Variants in HEMK2 observed in about 807,000 individuals in gnomAD.
HEMK2 encodes the protein methyltransferase HEMK2.
the HEMK2 span, among the ~76,000 whole-genome samples, chr21:28,653,421 C>A: frequency 2.0e-5 from 3 of 152,140 alleles, no homozygotes; most frequent in Non-Finnish European, 2.9e-5. Flanking sequence ...CTAAACTGGT[C>A]CAGCTCCTTG....
chr21:28,669,851 G>C, the HEMK2 span, among the ~76,000 whole-genome samples: 1 of 152,166 alleles, frequency 6.6e-6, no homozygotes, highest in African/African-American at 2.4e-5. Flanking sequence ...CCCAGTTTTA[G>C]CATTATTTGG....
the HEMK2 span, among the ~76,000 whole-genome samples, chr21:28,786,423 C>A: frequency 6.6e-6 from 1 of 152,146 alleles, no homozygotes; most frequent in African/African-American, 2.4e-5. Context: ...GTAATCCCAG[C>A]ACTTTGGGAG....
At chr21:28,664,994 T>C in the HEMK2 span, among the ~76,000 whole-genome samples, 1 of 152,082 alleles carries the variant, frequency 6.6e-6, no homozygotes. Context: ...AAGAGGCTTA[T>C]AGGCCAGGCA....
At chr21:28,878,267 A>G in the HEMK2 span, 1 of 1,610,098 alleles carries the variant, frequency 6.2e-7, no homozygotes. Context: ...AGGGGAAAAA[A>G]CCTGTCCATG....
At chr21:28,600,734 G>C in the HEMK2 span, among the ~76,000 whole-genome samples, 1 of 152,084 alleles carries the variant, frequency 6.6e-6, no homozygotes, top group Non-Finnish European at 1.5e-5. Context: ...TTTTAAAACT[G>C]AATACTTTTA....
chr21:28,685,752 G>T, the HEMK2 span, among the ~76,000 whole-genome samples: 2 of 152,122 alleles, frequency 1.3e-5, no homozygotes, highest in African/African-American at 4.8e-5. Flanking sequence ...GGTGACTGTT[G>T]TTTTAAAGGG....
At chr21:28,856,021 C>T in the HEMK2 span, among the ~76,000 whole-genome samples, 1 of 152,148 alleles carries the variant, frequency 6.6e-6, no homozygotes, top group Non-Finnish European at 1.5e-5. Flanking sequence ...AAATACATTG[C>T]AGATATTATT....
the HEMK2 span, among the ~76,000 whole-genome samples, chr21:28,695,855 C>G: frequency 6.6e-6 from 1 of 152,244 alleles, no homozygotes; most frequent in East Asian, 1.9e-4. Flanking sequence ...CAAGGCAAGT[C>G]TCTTCCACCT....
chr21:28,607,029 G>C, the HEMK2 span, among the ~76,000 whole-genome samples: 9 of 152,184 alleles, frequency 5.9e-5, no homozygotes, highest in Non-Finnish European at 1.3e-4. Flanking sequence ...AGTAGGATAA[G>C]GAGAGATTAT....
chr21:28,812,583 A>T, the HEMK2 span, among the ~76,000 whole-genome samples: 1 of 152,194 alleles, frequency 6.6e-6, no homozygotes, highest in African/African-American at 2.4e-5. Flanking sequence ...CATCAGGGAT[A>T]TTGGCCTGAA....
At chr21:28,725,553 A>G in the HEMK2 span, among the ~76,000 whole-genome samples, 15 of 152,142 alleles carry the variant, frequency 9.9e-5, no homozygotes, top group Non-Finnish European at 1.8e-4. Flanking sequence ...CCACACATCA[A>G]CAGCTTTCCA....
At chr21:28,840,236 A>G in the HEMK2 span, among the ~76,000 whole-genome samples, 4 of 152,192 alleles carry the variant, frequency 2.6e-5, no homozygotes, top group Admixed American at 6.5e-5. Flanking sequence ...AAGTCCTTAA[A>G]CCTAAGACCT....
chr21:28,695,334 G>A, the HEMK2 span, among the ~76,000 whole-genome samples: 3 of 152,160 alleles, frequency 2.0e-5, no homozygotes, highest in Non-Finnish European at 2.9e-5. Context: ...TGGGTTGTGG[G>A]GGCAGATCTC....
the HEMK2 span, among the ~76,000 whole-genome samples, chr21:28,867,217 T>G: frequency 6.6e-6 from 1 of 152,200 alleles, no homozygotes; most frequent in East Asian, 1.9e-4. Context: ...TTATTCATAA[T>G]AGTGAAAACT....
chr21:28,667,352 T>C, the HEMK2 span, among the ~76,000 whole-genome samples: 2 of 152,196 alleles, frequency 1.3e-5, no homozygotes, highest in Non-Finnish European at 2.9e-5. Flanking sequence ...AATTTGTGTT[T>C]CTTTGATGAA....
chr21:28,736,895 AT>A, the HEMK2 span, among the ~76,000 whole-genome samples: 1 of 152,068 alleles, frequency 6.6e-6, no homozygotes, highest in African/African-American at 2.4e-5. Flanking sequence ...CCTTTCATTT[AT>A]TGATATTTTG....
the HEMK2 span, among the ~76,000 whole-genome samples, chr21:28,653,173 G>A: frequency 6.7e-6 from 1 of 149,762 alleles, no homozygotes; most frequent in African/African-American, 2.6e-5. Flanking sequence ...AACACCACTG[G>A]CTCATCCTTA....
the HEMK2 span, among the ~76,000 whole-genome samples, chr21:28,729,525 G>C: frequency 6.6e-6 from 1 of 151,720 alleles, no homozygotes; most frequent in South Asian, 2.1e-4. Flanking sequence ...TTGCAGAAAT[G>C]TCTACGGCAG....
At chr21:28,776,586 T>G in the HEMK2 span, among the ~76,000 whole-genome samples, 1 of 152,218 alleles carries the variant, frequency 6.6e-6, no homozygotes, top group African/African-American at 2.4e-5. Context: ...GATCACAAGG[T>G]GAAGTCCCAC....
Sources: allele counts gnomAD v4.1 joint callset (sites outside exome capture counted in the v4.1 genomes callset), GRCh38; gene constraint gnomAD v4.1.1; transcripts MANE v1.5; gene names NCBI Gene and HGNC (gene_info 2026-07-23, HGNC 2026-07-21).